MUC12: variants seen among roughly 807,000 people sequenced by gnomAD.
MUC12 encodes the protein mucin 12, cell surface associated, also known as mucin-12.
In MUC12, 172 loss-of-function variants were observed where a neutral mutation model predicts 230.8. That is an observed-to-expected ratio of 0.75 (90% confidence interval 0.66 to 0.85). The LOEUF (loss-of-function observed/expected upper bound fraction) is 0.85, where lower values mean the gene tolerates loss of function less well. Ranked by LOEUF, MUC12 falls within the 40% of genes least tolerant of loss-of-function variation. The pLI, the probability that MUC12 is intolerant of heterozygous loss-of-function variation, is 0.00. For missense variants in MUC12, 3,506 were observed against 5,920.6 expected, an observed-to-expected ratio of 0.59 and a Z score of 13.38; for synonymous variants, 1,259 against 2,401.9, an observed-to-expected ratio of 0.52 and a Z score of 13.91.
chr7:100,981,326 T>G, intron 1 of MUC12: 1 of 555,758 alleles, frequency 1.8e-6, no homozygotes, highest in Non-Finnish European at 3.2e-6. Flanking sequence ...GGGAGGGGTC[T>G]GAATCTCTTC....
In MUC12 at chr7:101,008,630, A is replaced by G; in HGVS notation, c.15059-4A>G. On this transcript the variant is annotated splice_polypyrimidine_tract_variant and splice_region_variant and intron_variant, in intron 3 of 11. Coordinates refer to ENST00000536621, the MANE Select transcript of MUC12 (RefSeq NM_001164462.2). ...CTCACGCATACCATGGCCTTTTCCC[A>G]CAGAAACCCCGGAAAAACTCAACGC... 1 of 1,536,968 alleles carries G rather than the reference A, an allele frequency of 6.5e-7. No individual in the cohort carries two copies.
At position 101,015,666 on chromosome 7, in the gene MUC12, C is replaced by A; in HGVS notation, c.15852C>A (p.Ile5284=). 1 of 1,537,564 alleles carries A rather than the reference C, an allele frequency of 6.5e-7. No individual in the cohort carries two copies. The highest frequency in any genetic ancestry group is 8.7e-7 in the Non-Finnish European group (1 of 1,146,970). Reference sequence around the variant, plus strand: ...GGCGAAAGGAAGGCACCCCTGGCATCTTCCAGAAGACGGCCATCTGGGAAG... The same window carrying A: ...GGCGAAAGGAAGGCACCCCTGGCATATTCCAGAAGACGGCCATCTGGGAAG... The part of the protein sequence containing the change: ...QEWRKEGTPG[I]FQKTAIWEDQ... Residue 5284 remains isoleucine, a synonymous_variant, in exon 10 of 12, where the codon ATC becomes ATA. Coordinates refer to ENST00000536621, the MANE Select transcript of MUC12 (RefSeq NM_001164462.2).
At position 100,993,602 on chromosome 7, in the gene MUC12, C is replaced by A. The variant is rs1245744549; in HGVS notation, c.3039C>A (p.Ala1013=). ...TTPSPPSTAT[A]PVEESTTYHR... is the part of the protein sequence containing the mutation. Reference sequence around the variant, plus strand: ...CTTCACCTCCTAGCACCGCAACAGCCCCTGTTGAAGAATCTACAACCTACC... The same window carrying A: ...CTTCACCTCCTAGCACCGCAACAGCACCTGTTGAAGAATCTACAACCTACC... Residue 1013 remains alanine, a synonymous_variant, in exon 2 of 12, where the codon GCC becomes GCA. Transcript: ENST00000536621. The A allele has an allele frequency of 1.1e-6, 1 of 936,258 alleles. No individual in the cohort carries two copies. The highest frequency in any genetic ancestry group is 2.5e-5 in the Admixed American group (1 of 40,612). 58.0% of individuals were successfully genotyped at this position (936,258 alleles called of 1,614,324 possible). A position where few individuals can be genotyped will look rare whatever the true frequency, so the allele number is the denominator to read the frequency against.
At chr7:100,970,495 AAGAG>A (rs1269066339) in intron 1 of MUC12, among the ~76,000 whole-genome samples, 2 of 151,756 alleles carry the variant, frequency 1.3e-5, no homozygotes, top group Non-Finnish European at 2.9e-5. Flanking sequence ...CAAAAAAAAA[AAGAG>A]AGAGAGAAAG....
chr7:101,004,554 CA>C lies in MUC12; in HGVS notation c.13993del (p.Ile4665LeufsTer61), dbSNP rs1317483445. The stretch of plus-strand genomic sequence containing the variant: ...ACCAGCTACCACAGCAGCCCGGGCT[CA>C]ATTGCAACAACACACTTTCCTGAGA... Reference protein sequence around the residue: ...EPTSYHSSPGSIATTHFPESS... With the variant: ...EPTSYHSSPGXIATTHFPESS... On this transcript the variant is annotated frameshift_variant, in exon 2 of 12. Transcript: ENST00000536621. LOFTEE classifies it high-confidence loss of function. 6.5e-7 allele frequency: 1 copy of C among 1,537,234 alleles called. No homozygotes were observed. The highest frequency in any genetic ancestry group is 2.4e-5 in the East Asian group (1 of 40,872).
In MUC12 at chr7:100,990,684, A is replaced by AG; in HGVS notation, c.122dup (p.Ser41ArgfsTer10). 6.5e-7 allele frequency: 1 copy of AG among 1,537,828 alleles called. No homozygotes were observed. Among genetic ancestry groups the AG allele is most frequent in the South Asian group, 1.2e-5 (1 of 84,062 alleles). Reference sequence around the variant, plus strand: ...TAATACAACTTCTGCATCCACACCCAGTTCAAGCGACCCTTTTACCACCTT... The same window carrying AG: ...TAATACAACTTCTGCATCCACACCCAGGTTCAAGCGACCCTTTTACCACCTT... On this transcript the variant is annotated frameshift_variant, in exon 2 of 12. Transcript: ENST00000536621. LOFTEE classifies it high-confidence loss of function.
In MUC12 at chr7:101,006,546, T is replaced by C. The variant is rs1294608829; in HGVS notation, c.15032T>C (p.Leu5011Ser). 11 of 1,537,010 alleles carry C rather than the reference T, an allele frequency of 7.2e-6. No homozygotes were observed. Among genetic ancestry groups the C allele is most frequent in the East Asian group, 2.4e-5 (1 of 40,928 alleles). ...CAAGGCTACGTTGGTTACCAGTGCT[T>C]GTCCCCTCTGGAATCCTTCCCTGTA... The part of the protein sequence containing the change: ...CPQGYVGYQC[L>S]SPLESFPVET... Residue 5011 changes from leucine to serine, a missense_variant, in exon 3 of 12, where the codon TTG becomes TCG. By Grantham distance (145) the Leu-to-Ser change is moderately radical. Transcript: ENST00000536621.
At chr7:100,972,321 A>G (rs962731268) in intron 1 of MUC12, among the ~76,000 whole-genome samples, 1 of 148,018 alleles carries the variant, frequency 6.8e-6, no homozygotes. Context: ...CCTCCCCTCT[A>G]GAGGACCCCA....
chr7:100,980,764 C>T lies in MUC12; in HGVS notation c.68-9867C>T, dbSNP rs1027025962. ...ATAGTGAGACCCCATCTCTACAAAA[C>T]GTAAAAAATTAGCTGAGTATGGTGG... On this transcript the variant is annotated intron_variant, in intron 1 of 11. Coordinates refer to ENST00000536621, the MANE Select transcript of MUC12 (RefSeq NM_001164462.2). 3.9e-5 allele frequency among the ~76,000 whole-genome samples: 6 copies of T among 151,940 alleles called. 1 individual carries two copies. The highest frequency in any genetic ancestry group is 7.4e-5 in the Non-Finnish European group (5 of 67,962).
intron 8 of MUC12, among the ~76,000 whole-genome samples, chr7:101,013,684 C>T (rs1182200781): frequency 6.6e-6 from 1 of 152,144 alleles, no homozygotes; most frequent in African/African-American, 2.4e-5. Flanking sequence ...TCTCAGGTCC[C>T]CTTGAGCCCT....
At chr7:100,972,677 G>T (rs1025326100) in intron 1 of MUC12, among the ~76,000 whole-genome samples, 5 of 151,916 alleles carry the variant, frequency 3.3e-5, no homozygotes, top group African/African-American at 9.7e-5. Flanking sequence ...TAATTTTTTT[G>T]TGTGTTTTTG....
intron 2 of MUC12, 65 bp from the exon 3 acceptor site, chr7:101,006,406 T>C (rs1230217250): frequency 8.6e-6 from 9 of 1,048,384 alleles, no homozygotes; most frequent in Middle Eastern, 2.0e-4. Context: ...GGACCTGGAA[T>C]GGGAGTGCGT....
rs1793464027 is a variant in MUC12 at position 100,995,662 on chromosome 7, CT to C, written c.5100del (p.Ala1701HisfsTer163). The stretch of plus-strand genomic sequence containing the variant: ...TGGCCAAGCTCAAAGGACACTATGC[CT>C]GCACCTCCTACTACCACATCAGCCT... Reference protein sequence around the residue: ...QSWPSSKDTMPAPPTTTSAFV... With the variant: ...QSWPSSKDTMXAPPTTTSAFV... On this transcript the variant is annotated frameshift_variant, in exon 2 of 12. Transcript: ENST00000536621. LOFTEE classifies it high-confidence loss of function. The C allele has an allele frequency of 1.3e-6, 2 of 1,537,226 alleles. No individual in the cohort carries two copies. The highest frequency in any genetic ancestry group is 4.9e-5 in the East Asian group (2 of 40,920).
At chr7:100,989,149 G>A (rs906200077) in intron 1 of MUC12, among the ~76,000 whole-genome samples, 3 of 140,490 alleles carry the variant, frequency 2.1e-5, no homozygotes, top group African/African-American at 8.1e-5. Flanking sequence ...CACCCAGGCT[G>A]GAGTGCAGTG....
rs376181565 is a variant in MUC12, at chr7:100,990,832, C to A, written c.269C>A (p.Ala90Glu). 1.6e-5 allele frequency: 24 copies of A among 1,537,610 alleles called. No homozygotes were observed. The highest frequency in any genetic ancestry group is 1.7e-4 in the Middle Eastern group (1 of 6,018). The change falls in exon 2 of 12, where the codon GCA (alanine) becomes GAA (glutamate). Residue 90 changes from alanine (A) to glutamate (E), a missense_variant. Ala to Glu is a moderately radical substitution (Grantham distance 107, BLOSUM62 -1). Coordinates refer to ENST00000536621, the MANE Select transcript of MUC12 (RefSeq NM_001164462.2). ...ESTVSHSGPGATGTTLFPSHS... is the reference protein window; with the variant it reads ...ESTVSHSGPGETGTTLFPSHS... Reference sequence around the variant, plus strand: ...ACAGTATCCCACAGCGGCCCAGGTGCAACTGGAACAACACTCTTCCCTTCC... The same window carrying A: ...ACAGTATCCCACAGCGGCCCAGGTGAAACTGGAACAACACTCTTCCCTTCC...
chr7:100,971,625 G>A (rs1199546835), intron 1 of MUC12, among the ~76,000 whole-genome samples: 1 of 152,312 alleles, frequency 6.6e-6, no homozygotes, highest in Non-Finnish European at 1.5e-5. Context: ...GAGTTTCAAG[G>A]GCTGGAGTGA....
At chr7:100,981,258 C>T (rs1793100053) in intron 1 of MUC12, 2 of 418,502 alleles carry the variant, frequency 4.8e-6, no homozygotes, top group South Asian at 7.2e-5. Flanking sequence ...GGAGAAGGAC[C>T]GCCGCACTTG....
At chr7:101,012,764 G>C in intron 6 of MUC12, 55 bp from the exon 7 acceptor site, 1 of 1,520,490 alleles carries the variant, frequency 6.6e-7, no homozygotes, top group Non-Finnish European at 8.8e-7. Flanking sequence ...GCTACCCCCA[G>C]GGAGGCAGAG....
chr7:100,971,821 G>T (rs1411109479), intron 1 of MUC12, among the ~76,000 whole-genome samples: 2 of 152,310 alleles, frequency 1.3e-5, no homozygotes, highest in Admixed American at 6.5e-5. Context: ...GAGGGTGATG[G>T]AGGTGATGAC....
Sources: gnomAD v4.1 joint callset for allele counts (sites outside exome capture counted in the v4.1 genomes callset) on GRCh38, gnomAD v4.1.1 for gene constraint, MANE v1.5 for transcripts, NCBI Gene and HGNC (gene_info 2026-07-23, HGNC 2026-07-21) for gene names.